SEMA6D: variants seen among roughly 807,000 people sequenced by gnomAD.
The protein encoded by SEMA6D is semaphorin-6D.
Under a neutral mutation model 106.6 loss-of-function variants are expected in SEMA6D, and 35 were observed. The ratio of observed to expected loss-of-function variants is 0.33; its 90% CI spans 0.25 to 0.44. The LOEUF (loss-of-function observed/expected upper bound fraction) is 0.44, where lower values mean the gene tolerates loss of function less well. Ranked by LOEUF, SEMA6D falls within the 20% of genes least tolerant of loss-of-function variation. The pLI is 1.00. For synonymous variants in SEMA6D, 499 were observed against 487.7 expected (o/e 1.02, Z -0.31); for missense variants, 1,185 against 1,345.9 (o/e 0.88, Z 1.87).
chr15:47,650,163 T>A lies in SEMA6D; in HGVS notation c.-55+49267T>A, dbSNP rs192152345. Among the ~76,000 whole-genome samples, 103 of 152,298 alleles carry A rather than the reference T, an allele frequency of 6.8e-4. 1 individual carries two copies. Among genetic ancestry groups the A allele is most frequent in the African/African-American group, 2.4e-3 (98 of 41,568 alleles). ...AGGTTCTAGTATTGGGTTAACTGAC[T>A]TGTGCAAAGTTACATTGCTAGTTCA... On this transcript the variant is annotated intron_variant, in intron 4 of 19. Transcript: ENST00000558014.
At chr15:47,673,904 C>G (rs986466252) in intron 4 of SEMA6D, among the ~76,000 whole-genome samples, 4 of 152,178 alleles carry the variant, frequency 2.6e-5, no homozygotes, top group Non-Finnish European at 5.9e-5. Flanking sequence ...AGGCTGTGCC[C>G]TCTGTGCAGT....
intron 3 of SEMA6D, among the ~76,000 whole-genome samples, chr15:47,573,797 T>G (rs1258034905): frequency 3.9e-5 from 6 of 152,236 alleles, no homozygotes; most frequent in Admixed American, 3.9e-4. Flanking sequence ...TTCAACTTTA[T>G]TTTTCATCTG....
At chr15:47,386,535 C>G (rs59584723) in intron 1 of SEMA6D, among the ~76,000 whole-genome samples, 3 of 152,136 alleles carry the variant, frequency 2.0e-5, no homozygotes, top group African/African-American at 7.2e-5. Flanking sequence ...CCTAGATAGG[C>G]GTGCAGTCTA....
chr15:47,328,088 T>A (rs767802481), intron 1 of SEMA6D, among the ~76,000 whole-genome samples: 1 of 152,194 alleles, frequency 6.6e-6, no homozygotes, highest in African/African-American at 2.4e-5. Flanking sequence ...AGAGTGTTGA[T>A]CTTGGCTCAC....
At chr15:47,360,283 T>C (rs1314932891) in intron 1 of SEMA6D, among the ~76,000 whole-genome samples, 2 of 152,150 alleles carry the variant, frequency 1.3e-5, no homozygotes, top group African/African-American at 2.4e-5. Context: ...ATTCTTCAGT[T>C]CCCCCCCAGT....
At chr15:47,514,070 C>T (rs1004916993) in intron 3 of SEMA6D, among the ~76,000 whole-genome samples, 7 of 152,186 alleles carry the variant, frequency 4.6e-5, no homozygotes, top group African/African-American at 1.2e-4. Flanking sequence ...CATTGCTAAA[C>T]GGACAGTGTG....
chr15:47,360,513 C>A (rs916220755), intron 1 of SEMA6D, among the ~76,000 whole-genome samples: 2 of 152,210 alleles, frequency 1.3e-5, no homozygotes, highest in Admixed American at 6.5e-5. Context: ...GGCTATCATA[C>A]TGAATAGCAC....
At chr15:47,291,996 A>C (rs2035610596) in intron 1 of SEMA6D, among the ~76,000 whole-genome samples, 1 of 152,256 alleles carries the variant, frequency 6.6e-6, no homozygotes, top group African/African-American at 2.4e-5. Context: ...ATATGCACAT[A>C]TGCAGAATTT....
intron 4 of SEMA6D, among the ~76,000 whole-genome samples, chr15:47,621,416 AC>A (rs921288678): frequency 2.6e-5 from 4 of 152,122 alleles, no homozygotes; most frequent in Non-Finnish European, 5.9e-5. Flanking sequence ...TTAGCTAAAT[AC>A]ATAAGCCCGG....
chr15:47,424,726 G>C (rs1008279816), intron 2 of SEMA6D, among the ~76,000 whole-genome samples: 9 of 152,222 alleles, frequency 5.9e-5, no homozygotes, highest in African/African-American at 1.9e-4. Flanking sequence ...TGGGGGCAAA[G>C]GGAATTTTTC....
chr15:47,550,891 TGTG>T (rs2045665592), intron 3 of SEMA6D, among the ~76,000 whole-genome samples: 3 of 152,254 alleles, frequency 2.0e-5, no homozygotes, highest in African/African-American at 7.2e-5. Context: ...CAAAATTCGA[TGTG>T]GGAGAAAATG....
chr15:47,538,383 C>T (rs1028169679), intron 3 of SEMA6D, among the ~76,000 whole-genome samples: 6 of 152,260 alleles, frequency 3.9e-5, no homozygotes, highest in Non-Finnish European at 5.9e-5. Context: ...TCCTGCCCTC[C>T]ACTTCAGTTC....
At chr15:47,510,019 ATC>A (rs1173914481) in intron 3 of SEMA6D, among the ~76,000 whole-genome samples, 2 of 152,144 alleles carry the variant, frequency 1.3e-5, no homozygotes, top group African/African-American at 2.4e-5. Context: ...TATTATAAAC[ATC>A]TCTCTCTTTC....
intron 9 of SEMA6D, 80 bp from the exon 10 acceptor site, chr15:47,763,770 C>A: frequency 8.2e-7 from 1 of 1,226,748 alleles, no homozygotes; most frequent in Non-Finnish European, 1.2e-6. Flanking sequence ...ATTTTTTGTC[C>A]CTCCCTTAAA....
chr15:47,616,001 C>T (rs2076999382), intron 4 of SEMA6D, among the ~76,000 whole-genome samples: 1 of 152,146 alleles, frequency 6.6e-6, no homozygotes, highest in African/African-American at 2.4e-5. Flanking sequence ...AATAATACCT[C>T]CTCCCTAAAG....
At chr15:47,249,801 GTT>G (rs1165817151) in intron 1 of SEMA6D, among the ~76,000 whole-genome samples, 1 of 152,192 alleles carries the variant, frequency 6.6e-6, no homozygotes, top group Non-Finnish European at 1.5e-5. Flanking sequence ...TTCTAGGACT[GTT>G]TGAATTTGGT....
chr15:47,764,571 C>G, intron 11 of SEMA6D, 67 bp from the exon 12 acceptor site: 2 of 1,584,136 alleles, frequency 1.3e-6, no homozygotes, highest in Non-Finnish European at 8.6e-7. Flanking sequence ...TACACTTATT[C>G]CTTAGATACA....
chr15:47,222,041 ACACT>A (rs2031252170), intron 1 of SEMA6D, among the ~76,000 whole-genome samples: 4 of 152,118 alleles, frequency 2.6e-5, no homozygotes, highest in Admixed American at 2.6e-4. Flanking sequence ...ATGCACACGC[ACACT>A]CACACACACG....
At chr15:47,521,795 C>T (rs1287049013) in intron 3 of SEMA6D, among the ~76,000 whole-genome samples, 1 of 152,084 alleles carries the variant, frequency 6.6e-6, no homozygotes, top group African/African-American at 2.4e-5. Flanking sequence ...ACCATCCTGC[C>T]TAACACGGTG....
Sources: gnomAD v4.1 joint callset for allele counts (sites outside exome capture counted in the v4.1 genomes callset) on GRCh38, gnomAD v4.1.1 for gene constraint, MANE v1.5 for transcripts, NCBI Gene and HGNC (gene_info 2026-07-23, HGNC 2026-07-21) for gene names.